Variants in OOSP3 observed in about 807,000 individuals in gnomAD.
OOSP3 encodes oocyte secreted protein family member 3, also known as oocyte-secreted protein 3.
At chr11:59,879,037 C>T (rs764762136) in intron 1 of OOSP3, among the ~76,000 whole-genome samples, 156 bp downstream of exon 1, 6 of 152,104 alleles carry the variant, frequency 3.9e-5, no homozygotes, top group Admixed American at 6.6e-5. Flanking sequence ...TCTACCACCC[C>T]GCAAAGCAAG....
intron 2 of OOSP3, among the ~76,000 whole-genome samples, chr11:59,886,709 T>G (rs910890300): frequency 6.6e-6 from 1 of 152,192 alleles, no homozygotes; most frequent in Non-Finnish European, 1.5e-5. Context: ...ATTTCTCTAA[T>G]GATCAGTGAT....
At chr11:59,880,774 A>C (rs895987291) in intron 2 of OOSP3, among the ~76,000 whole-genome samples, 2 of 152,232 alleles carry the variant, frequency 1.3e-5, no homozygotes, top group African/African-American at 4.8e-5. Flanking sequence ...ATGAGTAACA[A>C]TTTACCATAG....
chr11:59,893,725 T>C (rs1047679987), intron 2 of OOSP3, among the ~76,000 whole-genome samples: 2 of 152,172 alleles, frequency 1.3e-5, no homozygotes, highest in Non-Finnish European at 2.9e-5. Context: ...ATTGGTTCAA[T>C]ATTTTCAGAC....
At chr11:59,880,646 T>A (rs1853190497) in intron 2 of OOSP3, among the ~76,000 whole-genome samples, 1 of 152,216 alleles carries the variant, frequency 6.6e-6, no homozygotes, top group South Asian at 2.1e-4. Flanking sequence ...TACTTCAACA[T>A]ATATAGTAGT....
intron 2 of OOSP3, among the ~76,000 whole-genome samples, chr11:59,883,852 C>CA (rs1169720494): frequency 1.3e-5 from 2 of 152,232 alleles, no homozygotes; most frequent in Non-Finnish European, 2.9e-5. Flanking sequence ...CCATGACTGT[C>CA]AGTCTCTTGC....
chr11:59,894,853 A>G (rs994031608), intron 3 of OOSP3, among the ~76,000 whole-genome samples: 2 of 152,132 alleles, frequency 1.3e-5, no homozygotes, highest in African/African-American at 4.8e-5. Flanking sequence ...AGATCAGGGA[A>G]TGCTTGCAGA....
chr11:59,893,943 T>C (rs1194772940), intron 2 of OOSP3, 136 bp from the exon 3 acceptor site: 1 of 394,082 alleles, frequency 2.5e-6, no homozygotes, highest in Non-Finnish European at 4.5e-6. Flanking sequence ...TCAGTTTTCT[T>C]TTTCCAGCTC....
At chr11:59,885,040 C>T (rs534171353) in intron 2 of OOSP3, among the ~76,000 whole-genome samples, 4 of 152,224 alleles carry the variant, frequency 2.6e-5, no homozygotes, top group South Asian at 2.1e-4. Context: ...AGGTTGAGGA[C>T]GTGCCCTTTT....
At chr11:59,887,850 G>T (rs1853277430) in intron 2 of OOSP3, among the ~76,000 whole-genome samples, 2 of 152,122 alleles carry the variant, frequency 1.3e-5, no homozygotes, top group African/African-American at 4.8e-5. Context: ...GTCAATGGTA[G>T]TTTAATGGGA....
At chr11:59,885,097 T>C (rs1401567845) in intron 2 of OOSP3, among the ~76,000 whole-genome samples, 1 of 152,224 alleles carries the variant, frequency 6.6e-6, no homozygotes, top group Non-Finnish European at 1.5e-5. Context: ...TTTAATTTTA[T>C]AGTTTTTTCC....
At chr11:59,881,157 G>A (rs1331120925) in intron 2 of OOSP3, among the ~76,000 whole-genome samples, 1 of 151,812 alleles carries the variant, frequency 6.6e-6, no homozygotes, top group Non-Finnish European at 1.5e-5. Context: ...TCAGGAGATC[G>A]AGACCATCCT....
chr11:59,887,672 C>T (rs972785595), intron 2 of OOSP3, among the ~76,000 whole-genome samples: 1 of 152,148 alleles, frequency 6.6e-6, no homozygotes, highest in Non-Finnish European at 1.5e-5. Context: ...GTTTTTGCAC[C>T]AGTACCATGC....
In OOSP3 at chr11:59,887,958, G is replaced by A. The variant is rs148147142; in HGVS notation, c.253-6121G>A. 7.7e-3 allele frequency among the ~76,000 whole-genome samples: 1,165 copies of A among 152,144 alleles called. 18 individuals carry two copies. The highest frequency in any genetic ancestry group is 0.026 in the African/African-American group (1,095 of 41,482). On this transcript the variant is annotated intron_variant, in intron 2 of 4. Coordinates refer to ENST00000646438, the Ensembl canonical transcript of OOSP3. ...CATGGAATGTTTTTTTCATCTGTTT[G>A]TGTCCTCTCTGGTTTCCTTGAGCAG... is the stretch of plus-strand genomic sequence containing the variant.
At chr11:59,883,047 A>T (rs934362809) in intron 2 of OOSP3, among the ~76,000 whole-genome samples, 1 of 152,084 alleles carries the variant, frequency 6.6e-6, no homozygotes, top group South Asian at 2.1e-4. Flanking sequence ...TTTGTTTTCA[A>T]TTGTGTTGGG....
intron 2 of OOSP3, among the ~76,000 whole-genome samples, chr11:59,890,014 A>G (rs970245736): frequency 1.1e-4 from 16 of 152,280 alleles, no homozygotes; most frequent in African/African-American, 3.8e-4. Flanking sequence ...TGTTGAATTG[A>G]ACCCTTTACC....
exon 3 of OOSP3, chr11:59,894,166 A>G: frequency 5.0e-6 from 2 of 398,540 alleles, no homozygotes; most frequent in Non-Finnish European, 4.4e-6. Flanking sequence ...TTTGATGTGT[A>G]TTGTATATGG....
intron 2 of OOSP3, among the ~76,000 whole-genome samples, chr11:59,893,814 T>A (rs897810984): frequency 1.3e-5 from 2 of 152,256 alleles, no homozygotes; most frequent in African/African-American, 4.8e-5. Context: ...GCTGTAGCCC[T>A]TGTTCCTAGT....
intron 2 of OOSP3, among the ~76,000 whole-genome samples, chr11:59,883,205 T>A (rs1253573120): frequency 2.6e-5 from 4 of 152,228 alleles, no homozygotes; most frequent in Non-Finnish European, 5.9e-5. Flanking sequence ...TAATAATTTA[T>A]TTGTCCCAAC....
At chr11:59,882,307 T>C (rs1853210324) in intron 2 of OOSP3, among the ~76,000 whole-genome samples, 1 of 152,068 alleles carries the variant, frequency 6.6e-6, no homozygotes, top group Admixed American at 6.6e-5. Context: ...ATTTCTAAAG[T>C]TTTCAGGGTC....
Sources: gnomAD v4.1 joint callset for allele counts (sites outside exome capture counted in the v4.1 genomes callset) on GRCh38, gnomAD v4.1.1 for gene constraint, MANE v1.5 for transcripts, NCBI Gene and HGNC (gene_info 2026-07-23, HGNC 2026-07-21) for gene names.